The following DPY19L2 variants were observed in gnomAD, a reference collection of about 807,000 sequenced individuals.
DPY19L2 encodes probable C-mannosyltransferase DPY19L2.
DPY19L2 carries 34 observed loss-of-function variants against 97.9 expected under a neutral mutation model. The ratio of observed to expected loss-of-function variants is 0.35; its 90% CI spans 0.26 to 0.46. The LOEUF (loss-of-function observed/expected upper bound fraction) is 0.46. DPY19L2 is among the 20% of genes least tolerant of loss of function. The pLI, the probability that DPY19L2 is intolerant of heterozygous loss-of-function variation, is 1.00. For missense variants in DPY19L2, 623 were observed against 911.4 expected (o/e 0.68, Z 4.07); for synonymous variants, 230 against 307.9 (o/e 0.75, Z 2.65).
At position 63,600,508 on chromosome 12, in the gene DPY19L2, T is replaced by A. The variant is rs973826435; in HGVS notation, c.1279-122A>T. On this transcript the variant is annotated intron_variant, in intron 12 of 21. Transcript: ENST00000324472. ...TGTGAGGTATAAATGGTGAAGTTTT[T>A]AAAAAAAGTTCCTTTAGAAAATCTT... The A allele has an allele frequency of 6.5e-6, 5 of 771,946 alleles. No individual in the cohort carries two copies. In the African/African-American group the frequency reaches 8.9e-5, roughly 14 times the overall value. The allele number at this position is 771,946 out of a possible 1,614,324, so 47.8% of individuals were successfully genotyped here.
At chr12:63,633,374 AC>A (rs1372051018) in intron 6 of DPY19L2, among the ~76,000 whole-genome samples, 1 of 152,158 alleles carries the variant, frequency 6.6e-6, no homozygotes, top group East Asian at 1.9e-4. Flanking sequence ...CAAGAAAAAA[AC>A]AAACAACCCC....
intron 4 of DPY19L2, among the ~76,000 whole-genome samples, chr12:63,657,500 G>C (rs970314048): frequency 1.3e-5 from 2 of 151,970 alleles, no homozygotes; most frequent in Non-Finnish European, 2.9e-5. Flanking sequence ...GGGATTTGGG[G>C]GCTGCACCCT....
chr12:63,585,558 T>C (rs1207666122), intron 16 of DPY19L2, among the ~76,000 whole-genome samples: 1 of 152,114 alleles, frequency 6.6e-6, no homozygotes, highest in Non-Finnish European at 1.5e-5. Flanking sequence ...GTTTCTCCAC[T>C]TGTCCCGAAA....
intron 6 of DPY19L2, among the ~76,000 whole-genome samples, chr12:63,632,988 A>G (rs9740040): frequency 0.69 from 105,259 of 151,774 alleles, 37,070 homozygotes; most frequent in African/African-American, 0.8. Flanking sequence ...TTAATAAATG[A>G]TGCTCGGAAA....
intron 1 of DPY19L2, chr12:63,666,532 G>A (rs776313357): frequency 1.3e-5 from 6 of 446,352 alleles, no homozygotes; most frequent in Non-Finnish European, 2.7e-5. Flanking sequence ...GCCTGTGCCC[G>A]TTTGGTTGGG....
intron 11 of DPY19L2, among the ~76,000 whole-genome samples, chr12:63,613,803 A>G (rs1289454781): frequency 6.6e-6 from 1 of 152,170 alleles, no homozygotes; most frequent in Non-Finnish European, 1.5e-5. Flanking sequence ...AAAAGTATTC[A>G]AGAGAAAGTG....
intron 12 of DPY19L2, among the ~76,000 whole-genome samples, chr12:63,601,219 A>G (rs1885135948): frequency 6.6e-6 from 1 of 152,156 alleles, no homozygotes; most frequent in Non-Finnish European, 1.5e-5. Flanking sequence ...AAGTTCTTCT[A>G]CCACTCCTGT....
chr12:63,583,787 C>T (rs753910226), intron 17 of DPY19L2, 25 bp downstream of exon 17: 23 of 1,607,816 alleles, frequency 1.4e-5, no homozygotes, highest in Admixed American at 3.4e-5. Context: ...CACAAGTCTA[C>T]CAGAGATTAA....
At chr12:63,612,302 A>G (rs556803797) in intron 11 of DPY19L2, among the ~76,000 whole-genome samples, 144 of 152,174 alleles carry the variant, frequency 9.5e-4, no homozygotes, top group African/African-American at 3.3e-3. Flanking sequence ...CTGGCTGTAC[A>G]CAAGTAAAAT....
intron 6 of DPY19L2, among the ~76,000 whole-genome samples, chr12:63,639,568 G>A (rs548434255): frequency 5.8e-4 from 88 of 152,256 alleles, no homozygotes; most frequent in Non-Finnish European, 1.0e-3. Context: ...CTCAAAAGAA[G>A]ACATTTATGC....
chr12:63,561,397 C>T (rs1876476893), intron 21 of DPY19L2, among the ~76,000 whole-genome samples: 1 of 152,130 alleles, frequency 6.6e-6, no homozygotes, highest in South Asian at 2.1e-4. Context: ...TTCCATCACC[C>T]CCACAAGTTC....
At chr12:63,607,765 T>A (rs1490947881) in intron 12 of DPY19L2, among the ~76,000 whole-genome samples, 1 of 152,100 alleles carries the variant, frequency 6.6e-6, no homozygotes, top group African/African-American at 2.4e-5. Flanking sequence ...CCTGGGTAGT[T>A]GGGATCACAG....
chr12:63,625,723 C>T (rs1158821012), intron 7 of DPY19L2, among the ~76,000 whole-genome samples: 1 of 152,102 alleles, frequency 6.6e-6, no homozygotes, highest in African/African-American at 2.4e-5. Context: ...GTGGCAGTGT[C>T]TTAACTGTGT....
intron 5 of DPY19L2, 114 bp from the exon 6 acceptor site, chr12:63,644,610 G>T (rs1893147956): frequency 1.4e-6 from 2 of 1,426,324 alleles, no homozygotes; most frequent in South Asian, 2.9e-5. Flanking sequence ...GAAAGCATTT[G>T]CTTTCCAGAT....
At chr12:63,599,431 A>G (rs1884783313) in intron 13 of DPY19L2, among the ~76,000 whole-genome samples, 1 of 152,270 alleles carries the variant, frequency 6.6e-6, no homozygotes, top group East Asian at 1.9e-4. Flanking sequence ...AACTAGCAAT[A>G]AATGGCAAAT....
At chr12:63,630,931 C>A (rs1351477695) in intron 6 of DPY19L2, among the ~76,000 whole-genome samples, 2 of 152,092 alleles carry the variant, frequency 1.3e-5, no homozygotes, top group African/African-American at 4.8e-5. Flanking sequence ...AACTGCTCAA[C>A]AACATGGAAA....
rs562364423 is a variant in DPY19L2, at chr12:63,577,505, A to G, written c.1900+3157T>C. ...ATCAGCAAAGTGAAGAGACAACCCA[A>G]AGAATAAGCAAAAATATTTGCAAAC... On this transcript the variant is annotated intron_variant, in intron 19 of 21. Coordinates refer to ENST00000324472, the MANE Select transcript of DPY19L2 (RefSeq NM_173812.5). Among the ~76,000 whole-genome samples, 6 of 152,238 alleles carry G rather than the reference A, an allele frequency of 3.9e-5. No homozygotes were observed. In the South Asian group the frequency reaches 1.2e-3, roughly 32 times the overall value.
chr12:63,628,607 G>T (rs1020706552), intron 6 of DPY19L2, among the ~76,000 whole-genome samples: 3 of 152,056 alleles, frequency 2.0e-5, no homozygotes, highest in Non-Finnish European at 4.4e-5. Context: ...GCTCAACGAG[G>T]CCTCCCTGCC....
At chr12:63,599,459 T>G (rs1884789207) in intron 13 of DPY19L2, among the ~76,000 whole-genome samples, 2 of 152,140 alleles carry the variant, frequency 1.3e-5, no homozygotes, top group Non-Finnish European at 2.9e-5. Context: ...TTTAGAAATT[T>G]TATTTAATAT....
Sources: allele counts gnomAD v4.1 joint callset (sites outside exome capture counted in the v4.1 genomes callset), GRCh38; gene constraint gnomAD v4.1.1; transcripts MANE v1.5; gene names NCBI Gene and HGNC (gene_info 2026-07-23, HGNC 2026-07-21).